The following TRPA1 variants were observed in gnomAD, a reference collection of about 807,000 sequenced individuals.
TRPA1 encodes the protein transient receptor potential cation channel subfamily A member 1.
TRPA1 carries 129 observed loss-of-function variants against 131.3 expected under a neutral mutation model. That is an observed-to-expected ratio of 0.98 (90% CI 0.85 to 1.14). The LOEUF (loss-of-function observed/expected upper bound fraction) is 1.14. Ranked by LOEUF, TRPA1 falls within the 50% of genes most tolerant of loss-of-function variation. The pLI is 0.00. For missense variants in TRPA1, 1,304 were observed against 1,354.2 expected (o/e 0.96, Z 0.58); for synonymous variants, 441 against 451.7 (o/e 0.98, Z 0.30).
rs1437308909 is a variant in TRPA1, at chr8:72,068,966, T to C, written c.444+57A>G. 1.9e-6 allele frequency: 3 copies of C among 1,577,700 alleles called. No individual in the cohort carries two copies. The East Asian group carries it at 6.7e-5, about 35-fold the overall frequency. On this transcript the variant is annotated intron_variant, in intron 3 of 26. Transcript: ENST00000262209. ...TGGTGCAAGCAGAGAGAGCTGGATC[T>C]GGGTCCCAGCACCTGCACCGCCGGT...
chr8:72,033,307 TAC>T (rs1296371436), intron 23 of TRPA1, among the ~76,000 whole-genome samples: 2 of 152,244 alleles, frequency 1.3e-5, no homozygotes, highest in African/African-American at 2.4e-5. Context: ...GACATTATGC[TAC>T]ACAGTTATTT....
rs767840901 is a variant in TRPA1 at position 72,055,562 on chromosome 8, T to A, written c.1403A>T (p.Asp468Val). 4 of 1,613,550 alleles carry A rather than the reference T, an allele frequency of 2.5e-6. No homozygotes were observed. The African/African-American group carries it at 5.3e-5, about 22-fold the overall frequency. The stretch of plus-strand genomic sequence containing the variant: ...ATTCAGAAGCCTCGTATCACTTATG[T>A]CTTGTAGGAGCCTCTGACAGGTATT... ...RINTCQRLLQDISDTRLLNEG... is the reference protein window; with the variant it reads ...RINTCQRLLQVISDTRLLNEG... Residue 468 changes from aspartate to valine, a missense_variant, in exon 12 of 27, where the codon GAC becomes GTC. Asp to Val is a radical substitution (Grantham distance 152). Coordinates refer to ENST00000262209, the MANE Select transcript of TRPA1 (RefSeq NM_007332.3).
In TRPA1 at chr8:72,050,305, C is replaced by T. The variant is rs1210707321; in HGVS notation, c.1905+473G>A. On this transcript the variant is annotated intron_variant, in intron 15 of 26. Coordinates refer to ENST00000262209, the MANE Select transcript of TRPA1 (RefSeq NM_007332.3). Reference sequence around the variant, plus strand: ...TCCATGGGAAGCAGCTGGTGCTGAGCCCAGCAATTCCTGCCTTGTGAGAAG... The same window carrying T: ...TCCATGGGAAGCAGCTGGTGCTGAGTCCAGCAATTCCTGCCTTGTGAGAAG... Among the ~76,000 whole-genome samples the T allele has an allele frequency of 3.3e-5, 5 of 152,048 alleles. No homozygotes were observed. The South Asian group carries it at 8.3e-4, about 25-fold the overall frequency.
At position 72,038,077 on chromosome 8, in the gene TRPA1, A is replaced by G. The variant is rs1812116537; in HGVS notation, c.2296-5T>C. 2.1e-6 allele frequency: 3 copies of G among 1,399,396 alleles called. No homozygotes were observed. The South Asian group carries it at 3.5e-5, about 16-fold the overall frequency. 86.7% of individuals were successfully genotyped at this position (1,399,396 alleles called of 1,614,324 possible). ...AGTTTTTATTAGATATGAATTCTAA[A>G]ACAAAAAAGGATAAGACACATAGTT... On this transcript the variant is annotated splice_region_variant and splice_polypyrimidine_tract_variant and intron_variant, in intron 19 of 26. Transcript: ENST00000262209.
rs899893534 is a variant in TRPA1 at position 72,022,336 on chromosome 8, G to A, written c.*570C>T. 18 of 171,182 alleles carry A rather than the reference G, an allele frequency of 1.1e-4. No homozygotes were observed. Among genetic ancestry groups the A allele is most frequent in the African/African-American group, 4.1e-4 (17 of 41,604 alleles). The allele number at this position is 171,182 out of a possible 1,614,324, so 10.6% of individuals were successfully genotyped here. A position where few individuals can be genotyped will look rare whatever the true frequency, so the allele number is the denominator to read the frequency against. On this transcript the variant is annotated 3_prime_UTR_variant, in exon 27 of 27. Coordinates refer to ENST00000262209, the MANE Select transcript of TRPA1 (RefSeq NM_007332.3). ...ACTATATGGCTCAAAGTGACATCAG[G>A]TGTGTTGGGGACAGCAAGAAGGGTG... is the stretch of plus-strand genomic sequence containing the variant.
upstream of TRPA1, among the ~76,000 whole-genome samples, chr8:72,078,758 G>C (rs549763380): frequency 6.6e-6 from 1 of 151,810 alleles, no homozygotes; most frequent in African/African-American, 2.4e-5. Context: ...TATTTCTCTT[G>C]TTTAGAGAGA....
intron 12 of TRPA1, chr8:72,054,276 CTT>C: frequency 4.0e-6 from 1 of 247,608 alleles, no homozygotes; most frequent in South Asian, 5.0e-5. Flanking sequence ...TAATGTTAGT[CTT>C]TGTGGTCAAT....
At chr8:72,088,809 C>A in the TRPA1 span, among the ~76,000 whole-genome samples, 6 of 152,152 alleles carry the variant, frequency 3.9e-5, no homozygotes, top group African/African-American at 1.4e-4. Flanking sequence ...CTAAGCATAT[C>A]TTGCTCTTTC....
At chr8:72,079,589 T>C (rs1806251848), upstream of TRPA1, among the ~76,000 whole-genome samples, 1 of 152,026 alleles carries the variant, frequency 6.6e-6, no homozygotes, top group Admixed American at 6.5e-5. Flanking sequence ...CAATACCACA[T>C]GGTCTTGACT....
At chr8:72,087,631 A>AATATAT in the TRPA1 span, among the ~76,000 whole-genome samples, 3,529 of 146,286 alleles carry the variant, frequency 0.024, 89 homozygotes, top group African/African-American at 0.063. Context: ...GGATCTATCA[A>AATATAT]ATATATATAT....
chr8:72,072,048 C>T (rs1806075469), intron 1 of TRPA1, among the ~76,000 whole-genome samples, 181 bp from the exon 2 acceptor site: 2 of 152,066 alleles, frequency 1.3e-5, no homozygotes, highest in Admixed American at 6.6e-5. Context: ...GAGAAAATGC[C>T]CCAAGATTGA....
intron 9 of TRPA1, among the ~76,000 whole-genome samples, 190 bp from the exon 10 acceptor site, chr8:72,057,207 G>A (rs986950825): frequency 6.6e-6 from 1 of 152,164 alleles, no homozygotes; most frequent in African/African-American, 2.4e-5. Context: ...GTGTGTGTGT[G>A]TGTCTGTATG....
At chr8:72,036,805 A>G (rs1812068538) in intron 20 of TRPA1, among the ~76,000 whole-genome samples, 1 of 152,244 alleles carries the variant, frequency 6.6e-6, no homozygotes, top group Non-Finnish European at 1.5e-5. Context: ...TTCTATCCGT[A>G]TAACAACATG....
chr8:72,025,942 T>G lies in TRPA1; in HGVS notation c.3051+18A>C. Reference sequence around the variant, plus strand: ...CAGTGTCATGTTACTGATGTTGTTATTTGTTATGTGTACTTACGAATAACA... The same window carrying G: ...CAGTGTCATGTTACTGATGTTGTTAGTTGTTATGTGTACTTACGAATAACA... On this transcript the variant is annotated intron_variant, in intron 25 of 26. Coordinates refer to ENST00000262209, the MANE Select transcript of TRPA1 (RefSeq NM_007332.3). 6.3e-7 allele frequency: 1 copy of G among 1,592,906 alleles called. No individual in the cohort carries two copies. The highest frequency in any genetic ancestry group is 8.6e-7 in the Non-Finnish European group (1 of 1,161,176).
intron 20 of TRPA1, among the ~76,000 whole-genome samples, chr8:72,037,440 T>C: frequency 6.6e-6 from 1 of 152,146 alleles, no homozygotes; most frequent in East Asian, 1.9e-4. Context: ...TTTATACACT[T>C]GGTTCTGATC....
upstream of TRPA1, among the ~76,000 whole-genome samples, chr8:72,077,530 C>A (rs1806213218): frequency 6.6e-6 from 1 of 152,078 alleles, no homozygotes; most frequent in Non-Finnish European, 1.5e-5. Flanking sequence ...TGATTTTTTT[C>A]CTGCTTTCTG....
chr8:72,078,281 A>T (rs1806226818), upstream of TRPA1, among the ~76,000 whole-genome samples: 2 of 152,160 alleles, frequency 1.3e-5, no homozygotes, highest in Non-Finnish European at 2.9e-5. Flanking sequence ...ACCCATGGAA[A>T]GTGCACAGTT....
intron 3 of TRPA1, 69 bp from the exon 4 acceptor site, chr8:72,065,627 G>T: frequency 8.9e-7 from 1 of 1,125,268 alleles, no homozygotes; most frequent in Non-Finnish European, 1.3e-6. Context: ...CCTTCCACTA[G>T]AGTTTAAGTT....
intron 21 of TRPA1, among the ~76,000 whole-genome samples, chr8:72,034,818 T>C (rs1302130401): frequency 6.6e-6 from 1 of 152,210 alleles, no homozygotes; most frequent in Non-Finnish European, 1.5e-5. Context: ...GCTAGGATTG[T>C]AGGCGTGAGT....
Sources: gnomAD v4.1 joint callset for allele counts (sites outside exome capture counted in the v4.1 genomes callset) on GRCh38, gnomAD v4.1.1 for gene constraint, MANE v1.5 for transcripts, NCBI Gene and HGNC (gene_info 2026-07-23, HGNC 2026-07-21) for gene names.